ASCC3: variants seen among roughly 807,000 people sequenced by gnomAD.
ASCC3 encodes activating signal cointegrator 1 complex subunit 3.
ASCC3 carries 158 observed loss-of-function variants against 256.3 expected under a neutral mutation model. The observed-to-expected ratio is 0.62, with a 90% CI of 0.54 to 0.70. The LOEUF (loss-of-function observed/expected upper bound fraction) is 0.70, where lower values mean the gene tolerates loss of function less well. Ranked by LOEUF, ASCC3 falls within the 30% of genes least tolerant of loss-of-function variation. The pLI is 0.00. For missense variants in ASCC3, 2,259 were observed against 2,626.0 expected (o/e 0.86, Z 3.05); for synonymous variants, 948 against 883.4 (o/e 1.07, Z -1.30).
intron 14 of ASCC3, among the ~76,000 whole-genome samples, chr6:100,674,314 C>A (rs1331683850): frequency 6.6e-6 from 1 of 151,512 alleles, no homozygotes; most frequent in African/African-American, 2.4e-5. Flanking sequence ...TGTTTACCCA[C>A]TTTATTTCTT....
chr6:100,640,110 GTC>G (rs1562189958), intron 24 of ASCC3, among the ~76,000 whole-genome samples: 3 of 152,034 alleles, frequency 2.0e-5, no homozygotes, highest in African/African-American at 7.3e-5. Context: ...GTGAAACTCT[GTC>G]TCACAAATAA....
intron 10 of ASCC3, 118 bp from the exon 11 acceptor site, chr6:100,725,821 A>C: frequency 2.1e-6 from 2 of 933,840 alleles, no homozygotes; most frequent in Non-Finnish European, 3.3e-6. Flanking sequence ...AAAAGTGTTT[A>C]GAATAGCCTA....
chr6:100,880,468 C>T (rs1035791368), intron 1 of ASCC3, among the ~76,000 whole-genome samples: 2 of 152,190 alleles, frequency 1.3e-5, no homozygotes, highest in African/African-American at 4.8e-5. Context: ...ATAGCAAATA[C>T]CATTAGCACA....
At chr6:100,530,193 C>T in intron 37 of ASCC3, 1 of 672,212 alleles carries the variant, frequency 1.5e-6, no homozygotes, top group South Asian at 1.7e-5. Context: ...GAATTAACAT[C>T]ATTTTTCTTG....
Position 100,589,956 on chromosome 6 carries a change from T to C in ASCC3, c.5407A>G (p.Ile1803Val). 1 of 1,611,866 alleles carries C rather than the reference T, an allele frequency of 6.2e-7. No homozygotes were observed. The highest frequency in any genetic ancestry group is 8.5e-7 in the Non-Finnish European group (1 of 1,178,108). The change falls in exon 35 of 42, where the codon ATT becomes GTT. Residue 1803 changes from isoleucine to valine, a missense_variant. Physicochemically the swap from Ile to Val is conservative, Grantham distance 29 (BLOSUM62 3). This residue lies in a region of ASCC3 where 1,839 missense variants were observed against 2,206.7 expected (regional missense o/e 0.83). Coordinates refer to ENST00000369162, the MANE Select transcript of ASCC3 (RefSeq NM_006828.4). ...ATATGACTAAGTCATACCTCTCCAA[T>C]TTCAATACAGTAGGAAAGTTCCAAT... ...IELELSYCIE[I>V]GEDNRSIEPL...
intron 8 of ASCC3, among the ~76,000 whole-genome samples, chr6:100,787,531 G>A (rs775559414): frequency 2.0e-5 from 3 of 151,952 alleles, no homozygotes; most frequent in Non-Finnish European, 4.4e-5. Flanking sequence ...AAAACAACAC[G>A]ATTCATATGG....
At chr6:100,798,433 A>T (rs1769740648) in intron 8 of ASCC3, among the ~76,000 whole-genome samples, 1 of 152,084 alleles carries the variant, frequency 6.6e-6, no homozygotes, top group Admixed American at 6.6e-5. Flanking sequence ...TTAACATTTT[A>T]TTTAAATCAG....
intron 11 of ASCC3, among the ~76,000 whole-genome samples, chr6:100,719,140 A>T (rs1779210428): frequency 6.6e-6 from 1 of 152,154 alleles, no homozygotes; most frequent in Non-Finnish European, 1.5e-5. Context: ...ACATGCAGAG[A>T]CTACTTGCAG....
chr6:100,800,381 C>T lies in ASCC3; in HGVS notation c.1046G>A (p.Arg349Lys), dbSNP rs1377672892. Residue 349 changes from arginine to lysine, a missense_variant, in exon 6 of 42, where the codon AGA becomes AAA. Physicochemically the swap from Arg to Lys is conservative, Grantham distance 26. This residue lies in a region of ASCC3 where 420 missense variants were observed against 419.3 expected (regional missense o/e 1.00). Coordinates refer to ENST00000369162, the MANE Select transcript of ASCC3 (RefSeq NM_006828.4). The stretch of plus-strand genomic sequence containing the variant: ...ATCTTCTCCAGCCTTTTTTTCTCGT[C>T]TGGCAATTCTTTTTTCTTCACGTCG... ...QYRREEKRIA[R>K]REKKAGEDLE... The T allele has an allele frequency of 2.5e-6, 4 of 1,612,982 alleles. No homozygotes were observed. Among genetic ancestry groups the T allele is most frequent in the Non-Finnish European group, 3.4e-6 (4 of 1,179,358 alleles).
intron 29 of ASCC3, among the ~76,000 whole-genome samples, 156 bp downstream of exon 29, chr6:100,627,434 A>C (rs796904323): frequency 6.6e-6 from 1 of 152,190 alleles, no homozygotes; most frequent in African/African-American, 2.4e-5. Flanking sequence ...AATTTAACAT[A>C]TATTTGTATT....
At chr6:100,669,378 T>C (rs1776633206) in intron 14 of ASCC3, among the ~76,000 whole-genome samples, 1 of 150,828 alleles carries the variant, frequency 6.6e-6, no homozygotes, top group Non-Finnish European at 1.5e-5. Context: ...AAAATCACTT[T>C]TATAACAGCA....
Position 100,629,193 on chromosome 6 carries a change from T to C in ASCC3, c.4209-12A>G. ...TTAGTTCAATAACTCTGGAGGGAAA[T>C]ATAACAATGATCCCAGAAACTTTTC... On this transcript the variant is annotated splice_polypyrimidine_tract_variant and intron_variant, in intron 26 of 41. Coordinates refer to ENST00000369162, the MANE Select transcript of ASCC3 (RefSeq NM_006828.4). 1 of 1,611,416 alleles carries C rather than the reference T, an allele frequency of 6.2e-7. No homozygotes were observed. The highest frequency in any genetic ancestry group is 1.1e-5 in the South Asian group (1 of 90,770).
At chr6:100,550,661 A>G (rs915413949) in intron 36 of ASCC3, among the ~76,000 whole-genome samples, 2 of 151,992 alleles carry the variant, frequency 1.3e-5, no homozygotes. Flanking sequence ...AACTTTGATC[A>G]TAAGTACTTT....
intron 37 of ASCC3, among the ~76,000 whole-genome samples, chr6:100,525,156 C>CAAAAAAAAAAAAAAAAAAAAAAAAAA (rs57882047): frequency 6.9e-4 from 31 of 44,948 alleles, no homozygotes; most frequent in Non-Finnish European, 8.5e-4. Context: ...GACCCTGTCT[C>CAAAAAAAAAAAAAAAAAAAAAAAAAA]AAAAAAAAAA....
At chr6:100,589,483 A>G in intron 36 of ASCC3, 151 bp downstream of exon 36, 1 of 824,694 alleles carries the variant, frequency 1.2e-6, no homozygotes, top group Non-Finnish European at 1.9e-6. Flanking sequence ...ATCTATGGGT[A>G]TCTTAGTCTA....
chr6:100,732,549 A>G (rs1208565268), intron 10 of ASCC3, among the ~76,000 whole-genome samples: 1 of 152,220 alleles, frequency 6.6e-6, no homozygotes, highest in African/African-American at 2.4e-5. Context: ...TGGAAAAAGA[A>G]CAAAGAACAT....
chr6:100,666,932 T>A (rs1776506925), intron 14 of ASCC3, among the ~76,000 whole-genome samples: 1 of 152,136 alleles, frequency 6.6e-6, no homozygotes. Context: ...TCCTAGGAAT[T>A]CAAAGAAATT....
intron 13 of ASCC3, 109 bp from the exon 14 acceptor site, chr6:100,679,861 A>C: frequency 1.6e-6 from 2 of 1,250,022 alleles, no homozygotes; most frequent in Non-Finnish European, 2.3e-6. Flanking sequence ...TCAAAACATA[A>C]TCACAAATTT....
intron 4 of ASCC3, among the ~76,000 whole-genome samples, chr6:100,846,268 T>A (rs1772377920): frequency 6.6e-6 from 1 of 152,122 alleles, no homozygotes; most frequent in Admixed American, 6.6e-5. Context: ...AAATTTGCCA[T>A]AACAACAGAA....
Sources: allele counts gnomAD v4.1 joint callset (sites outside exome capture counted in the v4.1 genomes callset), GRCh38; gene constraint gnomAD v4.1.1; regional missense constraint gnomAD v4.1.1; transcripts MANE v1.5; gene names NCBI Gene and HGNC (gene_info 2026-07-23, HGNC 2026-07-21).